The following TCF25 variants were observed in gnomAD, a reference collection of about 807,000 sequenced individuals.
TCF25 encodes the protein ribosome quality control complex subunit TCF25.
TCF25 carries 41 observed loss-of-function variants against 83.1 expected under a neutral mutation model. That is an observed-to-expected ratio of 0.49 (90% CI 0.38 to 0.64). The LOEUF (loss-of-function observed/expected upper bound fraction) is 0.64, where lower values mean the gene tolerates loss of function less well. Ranked by LOEUF, TCF25 falls within the 30% of genes least tolerant of loss-of-function variation. TCF25 has a pLI of 0.00. For missense variants in TCF25, 979 were observed against 914.5 expected (o/e 1.07, Z -0.91); for synonymous variants, 458 against 365.0 (o/e 1.25, Z -2.90).
intron 15 of TCF25, among the ~76,000 whole-genome samples, 178 bp downstream of exon 15, chr16:89,906,462 C>T (rs535887222): frequency 2.0e-5 from 3 of 152,240 alleles, no homozygotes; most frequent in East Asian, 1.9e-4. Flanking sequence ...AGCCCGGGTT[C>T]GGATGCTTGT....
At chr16:89,879,852 G>T (rs62056107) in intron 1 of TCF25, among the ~76,000 whole-genome samples, 2 of 91,882 alleles carry the variant, frequency 2.2e-5, no homozygotes, top group East Asian at 6.7e-4. Flanking sequence ...TGGGCTTCGG[G>T]GCCTGTCACA....
At chr16:89,874,109 T>TAAGGGATGGGGCGGGGCC in intron 1 of TCF25, among the ~76,000 whole-genome samples, 2 of 69,354 alleles carry the variant, frequency 2.9e-5, no homozygotes, top group Non-Finnish European at 5.9e-5. Context: ...TGGGCGGGGC[T>TAAGGGATGGGGCGGGGCC]AAGGGATGGG....
rs1042630374 is a variant in TCF25 at position 89,901,496 on chromosome 16, A to G, written c.1381+702A>G. Among the ~76,000 whole-genome samples the G allele has an allele frequency of 6.1e-5, 8 of 131,840 alleles. No individual in the cohort carries two copies. The South Asian group carries it at 1.4e-3, about 23-fold the overall frequency. The allele number at this position is 131,840 out of a possible 152,430, so 86.5% of individuals were successfully genotyped here. On this transcript the variant is annotated intron_variant, in intron 12 of 17. Transcript: ENST00000263346. Reference sequence around the variant, plus strand: ...CGCGGTGGCTCACGCCTGTAATCCTAGCACTTTGGGAGGCCGAGGTGGGCG... The same window carrying G: ...CGCGGTGGCTCACGCCTGTAATCCTGGCACTTTGGGAGGCCGAGGTGGGCG...
chr16:89,909,308 G>A, intron 16 of TCF25: 1 of 450,830 alleles, frequency 2.2e-6, no homozygotes, highest in South Asian at 2.1e-5. Context: ...TCAAGAGATT[G>A]AGACCAGCCT....
intron 5 of TCF25, among the ~76,000 whole-genome samples, chr16:89,891,475 A>G (rs1169106746): frequency 1.3e-5 from 2 of 152,202 alleles, no homozygotes; most frequent in African/African-American, 2.4e-5. Flanking sequence ...GACCGTGGGC[A>G]TGGCTGCTGC....
In TCF25 at chr16:89,873,709, C is replaced by G. The variant is rs1397462348; in HGVS notation, c.42C>G (p.Arg14=). The G allele has an allele frequency of 6.2e-7, 1 of 1,610,010 alleles. No homozygotes were observed. ...RALRRLRGEQ[R]GQEPLGPGAL... The stretch of plus-strand genomic sequence containing the variant: ...TCCGGAGGCTGAGGGGGGAACAGCG[C>G]GGCCAGGAGCCCCTCGGGCCCGGCG... Residue 14 remains arginine (R), a synonymous_variant, in exon 1 of 18, where the codon CGC becomes CGG. Transcript: ENST00000263346.
At chr16:89,893,106 C>G (rs1027382166) in intron 6 of TCF25, among the ~76,000 whole-genome samples, 5 of 152,210 alleles carry the variant, frequency 3.3e-5, no homozygotes, top group Admixed American at 2.6e-4. Context: ...GCCATGTATT[C>G]CTGCAGGACT....
intron 5 of TCF25, among the ~76,000 whole-genome samples, chr16:89,891,057 A>G (rs1376377568): frequency 1.3e-5 from 2 of 151,978 alleles, no homozygotes; most frequent in East Asian, 3.9e-4. Context: ...TCCTACTACG[A>G]CAGCCCGGTC....
chr16:89,909,307 T>G, intron 16 of TCF25: 1 of 455,348 alleles, frequency 2.2e-6, no homozygotes, highest in Non-Finnish European at 3.6e-6. Context: ...GTCAAGAGAT[T>G]GAGACCAGCC....
chr16:89,887,127 G>T (rs1231702335), intron 4 of TCF25, among the ~76,000 whole-genome samples: 1 of 151,880 alleles, frequency 6.6e-6, no homozygotes, highest in Non-Finnish European at 1.5e-5. Flanking sequence ...TCGACCTCCT[G>T]GGCTCAGGAG....
chr16:89,903,266 C>T (rs902190286), intron 12 of TCF25, among the ~76,000 whole-genome samples: 5 of 152,262 alleles, frequency 3.3e-5, no homozygotes, highest in Admixed American at 6.5e-5. Flanking sequence ...CCTCGGGGCC[C>T]GTTCCCCTAC....
intron 12 of TCF25, chr16:89,901,160 C>G (rs1008307156): frequency 5.1e-6 from 1 of 195,328 alleles, no homozygotes; most frequent in South Asian, 1.3e-4. Flanking sequence ...GAGGGTTGTG[C>G]TCTGCACCAT....
chr16:89,893,185 C>T (rs1334752966), intron 6 of TCF25, among the ~76,000 whole-genome samples: 1 of 152,210 alleles, frequency 6.6e-6, no homozygotes, highest in East Asian at 1.9e-4. Context: ...TCCTGGGAGG[C>T]TGAGCTTTCC....
In TCF25 at chr16:89,877,105, A is replaced by AAAAT. The variant is rs756315948; in HGVS notation, c.192+3271_192+3274dup. On this transcript the variant is annotated intron_variant, in intron 1 of 17. Coordinates refer to ENST00000263346, the MANE Select transcript of TCF25 (RefSeq NM_014972.3). ...CAATACAGCGAGACTCTGTCTCAAA[A>AAAAT]AAATAAATAAATAAATAAATAAATA... Among the ~76,000 whole-genome samples the AAAAT allele has an allele frequency of 3.2e-3, 479 of 148,986 alleles. 3 individuals are homozygous for AAAAT. Among genetic ancestry groups the AAAAT allele is most frequent in the Middle Eastern group, 0.027 (8 of 294 alleles).
intron 16 of TCF25, chr16:89,908,852 T>TCCCAG: frequency 8.6e-7 from 1 of 1,162,470 alleles, no homozygotes; most frequent in Non-Finnish European, 1.1e-6. Flanking sequence ...AGCTCCCAGC[T>TCCCAG]CTCTCCTGCA....
At position 89,898,617 on chromosome 16, in the gene TCF25, C is replaced by T. The variant is rs2044070912; in HGVS notation, c.1083C>T (p.Arg361=). The change falls in exon 10 of 18, where the codon CGC becomes CGT. Residue 361 remains arginine (R), a synonymous_variant. Coordinates refer to ENST00000263346, the MANE Select transcript of TCF25 (RefSeq NM_014972.3). ...TCCTGGAGAAGCGAGGCTGCCCGCG[C>T]ACGGCGCTGGAGTACTGCAAGCTCA... ...MSFLEKRGCP[R]TALEYCKLIL... 3.1e-6 allele frequency: 5 copies of T among 1,612,902 alleles called. No individual in the cohort carries two copies. Among genetic ancestry groups the T allele is most frequent in the Non-Finnish European group, 2.5e-6 (3 of 1,180,038 alleles).
intron 1 of TCF25, 53 bp downstream of exon 1, chr16:89,873,912 GC>G: frequency 2.1e-6 from 3 of 1,455,202 alleles, no homozygotes; most frequent in South Asian, 1.4e-5. Context: ...ACGTTGTGGG[GC>G]GGGGCGAGCG....
intron 1 of TCF25, among the ~76,000 whole-genome samples, chr16:89,875,379 A>G (rs1258748377): frequency 1.3e-5 from 2 of 150,914 alleles, no homozygotes; most frequent in Non-Finnish European, 3.0e-5. Context: ...GATTGTCTCT[A>G]ACGTATTTTC....
At chr16:89,895,187 G>A (rs754742904) in intron 8 of TCF25, 50 bp downstream of exon 8, 2 of 1,553,902 alleles carry the variant, frequency 1.3e-6, no homozygotes, top group Non-Finnish European at 1.8e-6. Flanking sequence ...AGCACCTCAA[G>A]CTATCAAGAC....
Sources: allele counts gnomAD v4.1 joint callset (sites outside exome capture counted in the v4.1 genomes callset), GRCh38; gene constraint gnomAD v4.1.1; transcripts MANE v1.5; gene names NCBI Gene and HGNC (gene_info 2026-07-23, HGNC 2026-07-21).